ZCWPW2: variants seen among roughly 807,000 people sequenced by gnomAD.
ZCWPW2 encodes the protein zinc finger CW-type PWWP domain protein 2.
ZCWPW2 carries 45 observed loss-of-function variants against 46.6 expected under a neutral mutation model. The observed-to-expected ratio is 0.96, with a 90% confidence interval of 0.76 to 1.24. The LOEUF (loss-of-function observed/expected upper bound fraction) is 1.24. ZCWPW2 is among the 50% of genes most tolerant of loss of function. The probability of loss-of-function intolerance (pLI) is 0.00; values close to 1 mark genes in which losing one functional copy is unlikely to be tolerated. For missense variants in ZCWPW2, 429 were observed against 403.9 expected (o/e 1.06, Z -0.53); for synonymous variants, 152 against 137.1 (o/e 1.11, Z -0.76).
chr3:28,374,264 A>G (rs538690984), intron 1 of ZCWPW2, among the ~76,000 whole-genome samples: 1 of 152,238 alleles, frequency 6.6e-6, no homozygotes, highest in African/African-American at 2.4e-5. Flanking sequence ...TTCCCAGTGT[A>G]TGTTCTCAGT....
At chr3:28,493,299 C>A (rs1179651854) in intron 6 of ZCWPW2, among the ~76,000 whole-genome samples, 3 of 82,770 alleles carry the variant, frequency 3.6e-5, no homozygotes, top group East Asian at 4.4e-4. Context: ...TCCCTCCCCC[C>A]TCCCCCGACC....
At position 28,525,884 on chromosome 3, in the gene ZCWPW2, T is replaced by C. The variant is rs777043614; in HGVS notation, c.*1196T>C. Among the ~76,000 whole-genome samples the C allele has an allele frequency of 2.6e-5, 4 of 152,174 alleles. No homozygotes were observed. Among genetic ancestry groups the C allele is most frequent in the Non-Finnish European group, 5.9e-5 (4 of 68,018 alleles). On this transcript the variant is annotated 3_prime_UTR_variant, in exon 10 of 10. Transcript: ENST00000383768. ...CATTCTGATATTGTGTCATAGGATG[T>C]TGAGTTGTAAAGCCTATCTGGGTTC... is the stretch of plus-strand genomic sequence containing the variant.
chr3:28,360,831 A>G (rs1704914240), intron 1 of ZCWPW2, among the ~76,000 whole-genome samples: 1 of 152,196 alleles, frequency 6.6e-6, no homozygotes, highest in South Asian at 2.1e-4. Flanking sequence ...GAAGACTCCT[A>G]CATTCTGATT....
chr3:28,444,082 T>C (rs1036592013), intron 4 of ZCWPW2, among the ~76,000 whole-genome samples: 2 of 152,204 alleles, frequency 1.3e-5, no homozygotes, highest in African/African-American at 4.8e-5. Flanking sequence ...GAATCCCTAC[T>C]TAGTGGTCCC....
chr3:28,456,010 A>G (rs919566287), intron 4 of ZCWPW2, among the ~76,000 whole-genome samples: 4 of 152,050 alleles, frequency 2.6e-5, no homozygotes, highest in Non-Finnish European at 1.5e-5. Context: ...GCTTTTTCTA[A>G]TTCTGTGAAG....
intron 4 of ZCWPW2, among the ~76,000 whole-genome samples, chr3:28,455,553 T>A (rs1330292035): frequency 1.8e-4 from 27 of 152,218 alleles, no homozygotes; most frequent in Non-Finnish European, 1.6e-4. Context: ...ATGAAATCTT[T>A]GCCCATGCCT....
At chr3:28,444,287 A>C (rs532650684) in intron 4 of ZCWPW2, among the ~76,000 whole-genome samples, 3 of 152,250 alleles carry the variant, frequency 2.0e-5, no homozygotes, top group African/African-American at 7.2e-5. Context: ...CCAGGACTTT[A>C]GTCTAGTTAT....
intron 5 of ZCWPW2, among the ~76,000 whole-genome samples, chr3:28,485,040 A>G (rs185078982): frequency 2.1e-3 from 323 of 152,034 alleles, no homozygotes; most frequent in African/African-American, 6.9e-3. Context: ...ATTCAATGCT[A>G]TAAATTTTCC....
intron 4 of ZCWPW2, among the ~76,000 whole-genome samples, chr3:28,456,859 T>C (rs1243679078): frequency 6.6e-6 from 1 of 152,228 alleles, no homozygotes; most frequent in Admixed American, 6.5e-5. Flanking sequence ...GATGTGCTGC[T>C]GGCTTTGGTT....
chr3:28,385,186 T>C (rs1175192308), intron 1 of ZCWPW2, among the ~76,000 whole-genome samples: 1 of 152,136 alleles, frequency 6.6e-6, no homozygotes, highest in Non-Finnish European at 1.5e-5. Flanking sequence ...CCTGCACATA[T>C]CAGACCTGTT....
At chr3:28,488,361 T>C (rs915469763) in intron 5 of ZCWPW2, among the ~76,000 whole-genome samples, 3 of 152,196 alleles carry the variant, frequency 2.0e-5, no homozygotes, top group African/African-American at 7.2e-5. Flanking sequence ...TTGTTCATTT[T>C]TCGTTTTGCT....
intron 1 of ZCWPW2, among the ~76,000 whole-genome samples, chr3:28,381,424 A>C (rs1401267433): frequency 6.6e-6 from 1 of 152,130 alleles, no homozygotes; most frequent in East Asian, 1.9e-4. Flanking sequence ...CTGGATCATC[A>C]TGAAGGTCTT....
In ZCWPW2 at chr3:28,373,459, TTTTGTTTG is replaced by T. The variant is rs149130529; in HGVS notation, c.-133-17023_-133-17016del. On this transcript the variant is annotated intron_variant, in intron 1 of 9. Transcript: ENST00000383768. ...TATTGGCCATTTGTATGTTGTTTTT[TTTTGTTTG>T]TTTGTTTGTTTGTTTTTTGAGATGG... Among the ~76,000 whole-genome samples, 208 of 152,104 alleles carry T rather than the reference TTTTGTTTG, an allele frequency of 1.4e-3. 1 individual carries two copies. The highest frequency in any genetic ancestry group is 0.014 in the Middle Eastern group (4 of 294).
At chr3:28,419,930 G>C (rs1243127235) in intron 3 of ZCWPW2, among the ~76,000 whole-genome samples, 1 of 111,800 alleles carries the variant, frequency 8.9e-6, no homozygotes, top group Admixed American at 9.6e-5. Context: ...GTTGTGGGGT[G>C]GGGGGAGGGG....
intron 1 of ZCWPW2, among the ~76,000 whole-genome samples, chr3:28,367,292 A>T (rs1705156036): frequency 6.6e-6 from 1 of 152,114 alleles, no homozygotes; most frequent in Non-Finnish European, 1.5e-5. Flanking sequence ...AGTGCTATAA[A>T]TTTCCCTCTA....
chr3:28,446,270 T>C (rs1697986868), intron 4 of ZCWPW2, among the ~76,000 whole-genome samples: 1 of 152,132 alleles, frequency 6.6e-6, no homozygotes, highest in Non-Finnish European at 1.5e-5. Context: ...GATGACATGA[T>C]GGACTACAAA....
rs560093474 is a variant in ZCWPW2 at position 28,461,342 on chromosome 3, A to T, written c.493-17472A>T. ...AAAGTTAGGTACCATTTTTTGTATA[A>T]TATTATACTTGACATTAGACACACA... On this transcript the variant is annotated intron_variant, in intron 4 of 9. Transcript: ENST00000383768. 1.6e-3 allele frequency among the ~76,000 whole-genome samples: 244 copies of T among 152,214 alleles called. 1 individual carries two copies. The highest frequency in any genetic ancestry group is 0.016 in the South Asian group (75 of 4,828).
intron 1 of ZCWPW2, among the ~76,000 whole-genome samples, chr3:28,378,125 G>GT (rs1267490001): frequency 1.3e-5 from 2 of 152,010 alleles, no homozygotes; most frequent in Non-Finnish European, 2.9e-5. Context: ...AATAATAACA[G>GT]TTTTGCATAG....
chr3:28,507,565 C>A (rs1700311994), intron 6 of ZCWPW2, among the ~76,000 whole-genome samples: 1 of 151,390 alleles, frequency 6.6e-6, no homozygotes, highest in Non-Finnish European at 1.5e-5. Flanking sequence ...GAATTTATTA[C>A]AAATTTTAGT....
Sources: allele counts gnomAD v4.1 joint callset (sites outside exome capture counted in the v4.1 genomes callset), GRCh38; gene constraint gnomAD v4.1.1; transcripts MANE v1.5; gene names NCBI Gene and HGNC (gene_info 2026-07-23, HGNC 2026-07-21).